Variants in WWOX observed in about 807,000 individuals in gnomAD.
WWOX encodes WW domain-containing oxidoreductase.
In WWOX, 69 loss-of-function variants were observed where a neutral mutation model predicts 46.2. That is an observed-to-expected ratio of 1.49 (90% CI 1.23 to 1.82). WWOX has a LOEUF of 1.82. WWOX is among the 40% of genes most tolerant of loss of function. The pLI is 0.00. For missense variants in WWOX, 919 were observed against 542.6 expected (o/e 1.69, Z -6.89); for synonymous variants, 359 against 202.6 (o/e 1.77, Z -6.56).
intron 8 of WWOX, among the ~76,000 whole-genome samples, chr16:79,145,249 A>G (rs1220593391): frequency 6.6e-6 from 1 of 152,230 alleles, no homozygotes; most frequent in African/African-American, 2.4e-5. Flanking sequence ...AGTGATGCCA[A>G]AAAAGCATTT....
chr16:78,847,067 T>G (rs1206815203), intron 8 of WWOX, among the ~76,000 whole-genome samples: 1 of 152,254 alleles, frequency 6.6e-6, no homozygotes, highest in Non-Finnish European at 1.5e-5. Flanking sequence ...TTGAGCACTT[T>G]CTTATTTTTT....
rs1376423268 is a variant in WWOX, at chr16:78,828,271, A to G, written c.1057-383337A>G. On this transcript the variant is annotated intron_variant, in intron 8 of 8. Transcript: ENST00000566780. ...ATGACAATAAAAGCACAGCCTCCAG[A>G]GAGAAGAGCCTTCGATGGACCTGGG... Among the ~76,000 whole-genome samples, 6 of 152,292 alleles carry G rather than the reference A, an allele frequency of 3.9e-5. No homozygotes were observed. In the East Asian group the frequency reaches 1.2e-3, roughly 29 times the overall value.
chr16:79,069,891 G>T (rs991933303), intron 8 of WWOX, among the ~76,000 whole-genome samples: 1 of 152,074 alleles, frequency 6.6e-6, no homozygotes, highest in Admixed American at 6.6e-5. Flanking sequence ...AAAACACCTT[G>T]TTTCAAATTT....
intron 8 of WWOX, among the ~76,000 whole-genome samples, chr16:79,093,669 C>G (rs979801510): frequency 8.5e-5 from 13 of 152,178 alleles, no homozygotes; most frequent in Non-Finnish European, 7.3e-5. Flanking sequence ...CGCACACTTC[C>G]TGTCGAGGCA....
chr16:78,501,232 G>C (rs1328363410), intron 8 of WWOX, among the ~76,000 whole-genome samples: 6 of 114,962 alleles, frequency 5.2e-5, no homozygotes, highest in African/African-American at 1.9e-4. Context: ...AGCAGCACCT[G>C]CATGTTGTAA....
At chr16:78,161,576 A>T (rs2034794153) in intron 4 of WWOX, among the ~76,000 whole-genome samples, 1 of 152,042 alleles carries the variant, frequency 6.6e-6, no homozygotes, top group Non-Finnish European at 1.5e-5. Context: ...CCTTCTGAGT[A>T]GCTGGGACTA....
At position 78,747,190 on chromosome 16, in the gene WWOX, ATT is replaced by A. The variant is rs67902043; in HGVS notation, c.1056+314455_1056+314456del. 6.5e-3 allele frequency among the ~76,000 whole-genome samples: 845 copies of A among 129,158 alleles called. 7 individuals are homozygous for A. The highest frequency in any genetic ancestry group is 0.022 in the African/African-American group (770 of 34,556). The allele number at this position is 129,158 out of a possible 152,430, so 84.7% of individuals were successfully genotyped here. A position where few individuals can be genotyped will look rare whatever the true frequency, so the allele number is the denominator to read the frequency against. On this transcript the variant is annotated intron_variant, in intron 8 of 8. Coordinates refer to ENST00000566780, the MANE Select transcript of WWOX (RefSeq NM_016373.4). Reference sequence around the variant, plus strand: ...AGTGGTGGGGGGCACTTTCTTGCCCATTTTTTTTTTTTTTTTTTGAGATGGAG... The same window carrying A: ...AGTGGTGGGGGGCACTTTCTTGCCCATTTTTTTTTTTTTTTTGAGATGGAG...
intron 8 of WWOX, among the ~76,000 whole-genome samples, chr16:78,714,713 A>G (rs7188265): frequency 0.38 from 58,345 of 151,936 alleles, 11,431 homozygotes; most frequent in African/African-American, 0.46. Context: ...CTGAAGTCCA[A>G]TGGAACTTGG....
At chr16:78,193,642 G>A (rs7187856) in intron 5 of WWOX, among the ~76,000 whole-genome samples, 113,530 of 151,580 alleles carry the variant, frequency 0.75, 42,924 homozygotes, top group African/African-American at 0.86. Context: ...GGCTGTTTAG[G>A]GGATGCTAGG....
chr16:79,157,889 A>G (rs763835864), intron 8 of WWOX, among the ~76,000 whole-genome samples: 6 of 152,298 alleles, frequency 3.9e-5, no homozygotes, highest in Non-Finnish European at 7.3e-5. Context: ...GCTCTGGGGA[A>G]GAGGGGCTGT....
chr16:78,698,233 T>C (rs1023924685), intron 8 of WWOX, among the ~76,000 whole-genome samples: 2 of 152,170 alleles, frequency 1.3e-5, no homozygotes, highest in Non-Finnish European at 2.9e-5. Flanking sequence ...ATTCGGGCAC[T>C]GGTGACAGTG....
intron 8 of WWOX, among the ~76,000 whole-genome samples, chr16:78,941,193 A>T (rs2045844760): frequency 6.6e-6 from 1 of 152,202 alleles, no homozygotes; most frequent in African/African-American, 2.4e-5. Flanking sequence ...TCCCAGTTGC[A>T]AAGGATAAAT....
chr16:79,041,646 G>T (rs985333139), intron 8 of WWOX, among the ~76,000 whole-genome samples: 1 of 152,144 alleles, frequency 6.6e-6, no homozygotes, highest in Non-Finnish European at 1.5e-5. Flanking sequence ...AGGCCACCAA[G>T]AGCCATCCCA....
At chr16:79,002,199 C>G (rs1187747629) in intron 8 of WWOX, among the ~76,000 whole-genome samples, 3 of 137,694 alleles carry the variant, frequency 2.2e-5, no homozygotes, top group Non-Finnish European at 4.7e-5. Flanking sequence ...TTTAGATTTC[C>G]TTGGGTGTCC....
chr16:78,104,073 G>A lies in WWOX; in HGVS notation c.107+4188G>A, dbSNP rs78088036. 1.7e-4 allele frequency among the ~76,000 whole-genome samples: 26 copies of A among 152,190 alleles called. 1 individual carries two copies. The East Asian group carries it at 3.9e-3, about 23-fold the overall frequency. On this transcript the variant is annotated intron_variant, in intron 1 of 8. Coordinates refer to ENST00000566780, the MANE Select transcript of WWOX (RefSeq NM_016373.4). ...ATGGGAGATGGGAAGTGAGGGACAA[G>A]GTCTCAGTGTCAGAGCCGTCCTTGT...
At chr16:78,413,404 C>A (rs114857134) in intron 6 of WWOX, among the ~76,000 whole-genome samples, 2,197 of 152,212 alleles carry the variant, frequency 0.014, 57 homozygotes, top group African/African-American at 0.05. Context: ...GTCATTAGTT[C>A]TTAGAGGTTT....
chr16:78,886,709 A>G (rs187041505), intron 8 of WWOX, among the ~76,000 whole-genome samples: 5 of 151,418 alleles, frequency 3.3e-5, no homozygotes, highest in Admixed American at 2.0e-4. Context: ...AGAAAAACAT[A>G]TAGAGAAAGA....
At chr16:78,385,951 T>G (rs896836600) in intron 5 of WWOX, among the ~76,000 whole-genome samples, 1 of 152,250 alleles carries the variant, frequency 6.6e-6, no homozygotes, top group Non-Finnish European at 1.5e-5. Context: ...AGAAGGCTAG[T>G]GGGAGGGGCA....
chr16:79,185,949 T>TGTGTGTGTGTGTGCATGC (rs1771895050), intron 8 of WWOX, among the ~76,000 whole-genome samples: 2 of 151,728 alleles, frequency 1.3e-5, no homozygotes, highest in Admixed American at 1.3e-4. Context: ...CATGTCTGTG[T>TGTGTGTGTGTGTGCATGC]GTGTGTGTGT....
Sources: allele counts gnomAD v4.1 joint callset (sites outside exome capture counted in the v4.1 genomes callset), GRCh38; gene constraint gnomAD v4.1.1; transcripts MANE v1.5; gene names NCBI Gene and HGNC (gene_info 2026-07-23, HGNC 2026-07-21).